Variants in DNAAF6 observed in about 807,000 individuals in gnomAD.
The protein encoded by DNAAF6 is PIH1 domain containing 3.
In DNAAF6, 3 loss-of-function variants were observed where a neutral mutation model predicts 13.7. The ratio of observed to expected loss-of-function variants is 0.22; its 90% CI spans 0.10 to 0.56. The LOEUF (loss-of-function observed/expected upper bound fraction) is 0.56. DNAAF6 is among the 20% of genes least tolerant of loss of function. The pLI, the probability that DNAAF6 is intolerant of heterozygous loss-of-function variation, is 0.92. For missense variants in DNAAF6, 130 were observed against 151.0 expected, an observed-to-expected ratio of 0.86 and a Z score of 0.73; for synonymous variants, 54 against 49.2, an observed-to-expected ratio of 1.10 and a Z score of -0.41.
At chrX:107,222,096 A>G (rs1433970621) in intron 4 of DNAAF6, among the ~76,000 whole-genome samples, 1 of 110,996 alleles carries the variant, frequency 9.0e-6, no homozygotes, top group Admixed American at 9.6e-5. Context: ...AAAACCTTTC[A>G]TTACACTCAG....
chrX:107,228,544 A>G (rs887487412), intron 5 of DNAAF6, among the ~76,000 whole-genome samples: 13 of 107,564 alleles, frequency 1.2e-4, no homozygotes, highest in Non-Finnish European at 2.5e-4. Flanking sequence ...TAATGAACAA[A>G]CAGTAAAAAA....
intron 1 of DNAAF6, among the ~76,000 whole-genome samples, chrX:107,208,091 T>C (rs761540398): frequency 9.0e-6 from 1 of 111,414 alleles, no homozygotes; most frequent in East Asian, 2.8e-4. Context: ...GGATGGGTTC[T>C]ACAGATACCA....
intron 1 of DNAAF6, among the ~76,000 whole-genome samples, chrX:107,210,465 C>T (rs1230879853): frequency 9.0e-6 from 1 of 110,572 alleles, no homozygotes; most frequent in Admixed American, 9.7e-5. Context: ...GTCTCCCAGG[C>T]TGGAATGCAG....
chrX:107,233,193 G>A (rs1928447325), intron 5 of DNAAF6, among the ~76,000 whole-genome samples: 2 of 112,135 alleles, frequency 1.8e-5, no homozygotes, highest in Non-Finnish European at 1.9e-5. Flanking sequence ...ATGGGTAATA[G>A]GTGGTATCGT....
chrX:107,238,306 T>C (rs908933563), intron 5 of DNAAF6, among the ~76,000 whole-genome samples: 4 of 111,429 alleles, frequency 3.6e-5, no homozygotes, highest in African/African-American at 1.3e-4. Flanking sequence ...CTCTTGGGTA[T>C]ATACCCAGGA....
At chrX:107,231,956 C>G (rs960692672) in intron 5 of DNAAF6, among the ~76,000 whole-genome samples, 1 of 111,323 alleles carries the variant, frequency 9.0e-6, no homozygotes, top group African/African-American at 3.3e-5. Context: ...CTCCTGGGTT[C>G]CAGCGATTCT....
At chrX:107,217,419 A>G (rs1445363281) in intron 3 of DNAAF6, among the ~76,000 whole-genome samples, 1 of 111,791 alleles carries the variant, frequency 8.9e-6, no homozygotes, top group Non-Finnish European at 1.9e-5. Context: ...TGATACTACA[A>G]TGCAGATCAA....
chrX:107,227,877 A>G (rs1200866281), intron 5 of DNAAF6, among the ~76,000 whole-genome samples: 1 of 111,165 alleles, frequency 9.0e-6, no homozygotes, highest in Admixed American at 9.6e-5. Flanking sequence ...AAATTGAGAG[A>G]GAGAGTGTGT....
intron 3 of DNAAF6, 40 bp from the exon 4 acceptor site, chrX:107,218,824 A>G (rs1186498499): frequency 8.7e-7 from 1 of 1,153,719 alleles, no homozygotes; most frequent in South Asian, 2.0e-5. Context: ...AGAGAAGGAA[A>G]AAAGCATGAG....
chrX:107,228,833 C>A (rs1928314529), intron 5 of DNAAF6, among the ~76,000 whole-genome samples: 1 of 110,552 alleles, frequency 9.0e-6, no homozygotes, highest in African/African-American at 3.3e-5. Context: ...GTTGCCCAAA[C>A]TGGTCTCAAA....
Position 107,216,682 on chromosome X carries a change from A to G in DNAAF6, c.165A>G (p.Leu55=). ...TTCTCCTCCCTCAGACAAATGGTTT[A>G]TCTACTATTGGAGCCATGGGTCCTG... ...DDSDYGQTNG[L]STIGAMGPGN... The change falls in exon 3 of 7, where the codon TTA becomes TTG. Residue 55 remains leucine, a synonymous_variant. Coordinates refer to ENST00000372453, the MANE Select transcript of DNAAF6 (RefSeq NM_173494.2). The G allele has an allele frequency of 8.4e-7, 1 of 1,197,084 alleles. No individual in the cohort carries two copies. Among genetic ancestry groups the G allele is most frequent in the Non-Finnish European group, 1.1e-6 (1 of 885,887 alleles).
chrX:107,241,893 T>C (rs1414588782), intron 6 of DNAAF6, among the ~76,000 whole-genome samples: 1 of 112,066 alleles, frequency 8.9e-6, no homozygotes, highest in Non-Finnish European at 1.9e-5. Context: ...TTCAGCTGAT[T>C]TATAGTTGTC....
At position 107,218,897 on chromosome X, in the gene DNAAF6, A is replaced by C; in HGVS notation, c.260A>C (p.Asp87Ala). The change falls in exon 4 of 7, where the codon GAC (aspartate) becomes GCC (alanine). Residue 87 changes from aspartate to alanine, a missense_variant. Coordinates refer to ENST00000372453, the MANE Select transcript of DNAAF6 (RefSeq NM_173494.2). ...IPETSEENNE[D>A]IWNSEEIPEG... is the part of the protein sequence containing the mutation. The stretch of plus-strand genomic sequence containing the variant: ...GAAACCAGCGAGGAAAATAATGAGG[A>C]CATCTGGAATTCAGAAGAGATTCCA... 8.4e-7 allele frequency: 1 copy of C among 1,194,800 alleles called. No individual in the cohort carries two copies. The highest frequency in any genetic ancestry group is 1.1e-6 in the Non-Finnish European group (1 of 890,523).
At chrX:107,215,485 G>A (rs779350861) in intron 2 of DNAAF6, among the ~76,000 whole-genome samples, 2 of 111,554 alleles carry the variant, frequency 1.8e-5, no homozygotes, top group African/African-American at 6.5e-5. Context: ...TATTATCTTG[G>A]GATTTTCACA....
chrX:107,239,031 T>G (rs368485143), intron 6 of DNAAF6, 24 bp downstream of exon 6: 119 of 1,177,080 alleles, frequency 1.0e-4, no homozygotes, highest in Non-Finnish European at 1.3e-4. Context: ...AGAACTGGAA[T>G]AGTGTATTAT....
At chrX:107,216,531 T>C (rs1237527455) in intron 2 of DNAAF6, 140 bp from the exon 3 acceptor site, 8 of 396,784 alleles carry the variant, frequency 2.0e-5, no homozygotes, top group Non-Finnish European at 3.5e-5. Context: ...TGTCTTTCTG[T>C]TTTATAACAA....
At chrX:107,220,754 G>A (rs1273616156) in intron 4 of DNAAF6, among the ~76,000 whole-genome samples, 5 of 111,201 alleles carry the variant, frequency 4.5e-5, no homozygotes, top group Non-Finnish European at 7.5e-5. Context: ...TTGGTATTTG[G>A]TTAGATAAAA....
chrX:107,213,640 A>G (rs1210640736), intron 2 of DNAAF6, among the ~76,000 whole-genome samples: 1 of 111,551 alleles, frequency 9.0e-6, no homozygotes, highest in Non-Finnish European at 1.9e-5. Flanking sequence ...TGGGTAGAAG[A>G]GTTCATTGAA....
intron 5 of DNAAF6, among the ~76,000 whole-genome samples, chrX:107,223,175 A>G (rs1327002518): frequency 9.0e-6 from 1 of 111,279 alleles, no homozygotes; most frequent in Admixed American, 9.6e-5. Flanking sequence ...ATGCCAACTG[A>G]TTGGTTATTA....
Sources: gnomAD v4.1 joint callset for allele counts (sites outside exome capture counted in the v4.1 genomes callset) on GRCh38, gnomAD v4.1.1 for gene constraint, MANE v1.5 for transcripts, NCBI Gene and HGNC (gene_info 2026-07-23, HGNC 2026-07-21) for gene names.